Variants in CWF19L2 observed in about 807,000 individuals in gnomAD.
CWF19L2 encodes the protein CWF19 like cell cycle control factor 2.
In CWF19L2, 98 loss-of-function variants were observed where a neutral mutation model predicts 111.7. That is an observed-to-expected ratio of 0.88 (90% CI 0.75 to 1.04). The LOEUF (loss-of-function observed/expected upper bound fraction) is 1.04. CWF19L2 is among the 50% of genes least tolerant of loss of function. The pLI, the probability that CWF19L2 is intolerant of heterozygous loss-of-function variation, is 0.00. For missense variants in CWF19L2, 1,101 were observed against 1,051.4 expected (o/e 1.05, Z -0.65); for synonymous variants, 351 against 342.9 (o/e 1.02, Z -0.26).
intron 6 of CWF19L2, among the ~76,000 whole-genome samples, chr11:107,436,019 T>C (rs1177247518): frequency 6.6e-6 from 1 of 151,936 alleles, no homozygotes; most frequent in Non-Finnish European, 1.5e-5. Flanking sequence ...CTGGGTGTGG[T>C]GGCATGCACC....
At chr11:107,344,252 G>A (rs1860046485) in intron 14 of CWF19L2, among the ~76,000 whole-genome samples, 1 of 152,072 alleles carries the variant, frequency 6.6e-6, no homozygotes, top group Non-Finnish European at 1.5e-5. Context: ...CTTGGCTAGT[G>A]GCTGCATCAT....
At chr11:107,407,715 T>C (rs947412700) in intron 10 of CWF19L2, among the ~76,000 whole-genome samples, 1 of 152,026 alleles carries the variant, frequency 6.6e-6, no homozygotes, top group Non-Finnish European at 1.5e-5. Flanking sequence ...AAGTTTGAGA[T>C]AGTCTATGAC....
chr11:107,328,246 A>AT (rs1859792157), intron 17 of CWF19L2, among the ~76,000 whole-genome samples: 1 of 152,118 alleles, frequency 6.6e-6, no homozygotes, highest in African/African-American at 2.4e-5. Flanking sequence ...GTCAACAGAG[A>AT]TAGTAGAAAA....
Position 107,376,382 on chromosome 11 carries a change from C to T in CWF19L2, c.1872+13692G>A, listed in dbSNP as rs1182717996. Among the ~76,000 whole-genome samples, 13 of 96,316 alleles carry T rather than the reference C, an allele frequency of 1.3e-4. 2 individuals are homozygous for T. Among genetic ancestry groups the T allele is most frequent in the South Asian group, 5.9e-4 (2 of 3,382 alleles). The allele number at this position is 96,316 out of a possible 152,430, so 63.2% of individuals were successfully genotyped here. ...AATCCTCAATAAAATACTGGCAAAA[C>T]GAATCCAGCAGCACATAAAAAACCT... On this transcript the variant is annotated intron_variant, in intron 12 of 17. Coordinates refer to ENST00000282251, the MANE Select transcript of CWF19L2 (RefSeq NM_152434.3).
At chr11:107,426,812 A>G (rs1861385033) in intron 8 of CWF19L2, among the ~76,000 whole-genome samples, 3 of 151,678 alleles carry the variant, frequency 2.0e-5, no homozygotes, top group African/African-American at 7.2e-5. Flanking sequence ...TTAAATATAT[A>G]TATTACACAT....
chr11:107,442,704 A>AAG (rs371970003), intron 4 of CWF19L2, among the ~76,000 whole-genome samples: 3,248 of 126,250 alleles, frequency 0.026, 129 homozygotes, highest in African/African-American at 0.07. Context: ...GAAAGAGAGA[A>AAG]AGAGAGAGAG....
At chr11:107,351,849 G>A (rs1860160401) in intron 13 of CWF19L2, among the ~76,000 whole-genome samples, 1 of 152,158 alleles carries the variant, frequency 6.6e-6, no homozygotes, top group Admixed American at 6.5e-5. Flanking sequence ...AACAAGCCTA[G>A]CTCCCATGTG....
At chr11:107,424,080 T>C (rs539313836) in intron 8 of CWF19L2, among the ~76,000 whole-genome samples, 1 of 151,896 alleles carries the variant, frequency 6.6e-6, no homozygotes, top group South Asian at 2.1e-4. Flanking sequence ...GGATCACCAA[T>C]ATTCTGGGAA....
rs1356126680 is a variant in CWF19L2 at position 107,374,306 on chromosome 11, G to C, written c.1872+15768C>G. Among the ~76,000 whole-genome samples the C allele has an allele frequency of 2.3e-5, 3 of 130,068 alleles. 1 individual carries two copies. Among genetic ancestry groups the C allele is most frequent in the Admixed American group, 2.3e-4 (3 of 13,318 alleles). The allele number at this position is 130,068 out of a possible 152,430, so 85.3% of individuals were successfully genotyped here. ...TACTCCTCGAGAAGAGCAACACCAA[G>C]ACACATAATTGTCAGATTCACCAAA... On this transcript the variant is annotated intron_variant, in intron 12 of 17. Transcript: ENST00000282251.
intron 3 of CWF19L2, among the ~76,000 whole-genome samples, chr11:107,454,071 C>T (rs1861818389): frequency 1.3e-5 from 2 of 152,206 alleles, no homozygotes; most frequent in South Asian, 4.1e-4. Context: ...CACCCTCAGG[C>T]CTGGGGGAAC....
intron 3 of CWF19L2, among the ~76,000 whole-genome samples, chr11:107,449,137 CAA>C (rs34294840): frequency 5.5e-4 from 47 of 85,778 alleles, no homozygotes; most frequent in Middle Eastern, 6.3e-3. Context: ...TTTTACAGTG[CAA>C]AAAAAAAAAA....
chr11:107,456,356 T>C (rs144007346), intron 1 of CWF19L2, among the ~76,000 whole-genome samples: 186 of 152,300 alleles, frequency 1.2e-3, no homozygotes, highest in African/African-American at 4.3e-3. Flanking sequence ...CCTTTTCAAA[T>C]TCTATGCATA....
chr11:107,371,239 G>A (rs1404942633), intron 12 of CWF19L2, among the ~76,000 whole-genome samples: 2 of 136,638 alleles, frequency 1.5e-5, no homozygotes, highest in African/African-American at 2.9e-5. Context: ...TCCTGACCTC[G>A]TGATCTGCCC....
At chr11:107,397,433 G>A (rs1591182538) in intron 10 of CWF19L2, among the ~76,000 whole-genome samples, 1 of 152,016 alleles carries the variant, frequency 6.6e-6, no homozygotes. Flanking sequence ...CTCAGCAGAG[G>A]CAGCCATAAT....
At chr11:107,423,439 T>G (rs1345430617) in intron 8 of CWF19L2, among the ~76,000 whole-genome samples, 1 of 151,942 alleles carries the variant, frequency 6.6e-6, no homozygotes, top group Admixed American at 6.6e-5. Flanking sequence ...GTGCAATTAT[T>G]CCCCTATGAA....
intron 14 of CWF19L2, among the ~76,000 whole-genome samples, chr11:107,338,038 C>T (rs12223855): frequency 0.27 from 40,566 of 151,944 alleles, 5,653 homozygotes; most frequent in Non-Finnish European, 0.31. Flanking sequence ...TAAAGATCTT[C>T]TGTTACCCTT....
intron 12 of CWF19L2, among the ~76,000 whole-genome samples, chr11:107,363,298 G>A (rs1213104829): frequency 2.7e-4 from 41 of 152,124 alleles, no homozygotes; most frequent in East Asian, 9.7e-4. Context: ...GCAGGCCAAC[G>A]TTCAGATTCA....
intron 10 of CWF19L2, among the ~76,000 whole-genome samples, chr11:107,401,424 C>T (rs1031698840): frequency 1.3e-4 from 19 of 151,924 alleles, no homozygotes; most frequent in Non-Finnish European, 2.8e-4. Flanking sequence ...ACACCAACAG[C>T]GAACAAGCAG....
Position 107,442,934 on chromosome 11 carries a change from C to T in CWF19L2, c.450+5G>A. ...CAAGGAAGGAAAATCAAGTGGCTTG[C>T]TTACCTTGATAATTTGGGTGTCATC... On this transcript the variant is annotated splice_donor_5th_base_variant and intron_variant, in intron 4 of 17. Transcript: ENST00000282251. 6.6e-7 allele frequency: 1 copy of T among 1,521,074 alleles called. No homozygotes were observed. Among genetic ancestry groups the T allele is most frequent in the Non-Finnish European group, 8.9e-7 (1 of 1,119,088 alleles). 94.2% of individuals were successfully genotyped at this position (1,521,074 alleles called of 1,614,324 possible). A position where few individuals can be genotyped will look rare whatever the true frequency, so the allele number is the denominator to read the frequency against.
Sources: gnomAD v4.1 joint callset for allele counts (sites outside exome capture counted in the v4.1 genomes callset) on GRCh38, gnomAD v4.1.1 for gene constraint, MANE v1.5 for transcripts, NCBI Gene and HGNC (gene_info 2026-07-23, HGNC 2026-07-21) for gene names.